COL5A1: variants seen among roughly 807,000 people sequenced by gnomAD.
The protein encoded by COL5A1 is collagen alpha-1(V) chain.
Under a neutral mutation model 263.7 loss-of-function variants are expected in COL5A1, and 16 were observed. The ratio of observed to expected loss-of-function variants is 0.06; its 90% CI spans 0.04 to 0.09. The LOEUF (loss-of-function observed/expected upper bound fraction) is 0.09, where lower values mean the gene tolerates loss of function less well. COL5A1 is among the 10% of genes least tolerant of loss of function. The probability of loss-of-function intolerance (pLI) is 1.00; values close to 1 mark genes in which losing one functional copy is unlikely to be tolerated. For synonymous variants in COL5A1, 1,012 were observed against 1,004.5 expected (o/e 1.01, Z -0.14); for missense variants, 2,036 against 2,540.5 (o/e 0.80, Z 4.27).
At chr9:134,834,688 A>G (rs1470683716) in intron 64 of COL5A1, among the ~76,000 whole-genome samples, 1 of 152,080 alleles carries the variant, frequency 6.6e-6, no homozygotes, top group African/African-American at 2.4e-5. Flanking sequence ...TTCCTGGAGG[A>G]GGCAGCACAG....
rs770392149 is a variant in COL5A1, at chr9:134,811,578, C to T, written c.3669C>T (p.Pro1223=). The change falls in exon 46 of 66, where the codon CCC becomes CCT. Residue 1223 remains proline (P), a synonymous_variant. Transcript: ENST00000371817. ...AAGGTCCCAGAGGCTTTCCTGGACC[C>T]CCTGGGCCAGTGGGGCTGCAGGTAA... The part of the protein sequence containing the change: ...GDEGPRGFPG[P]PGPVGLQGLP... 18 of 1,561,162 alleles carry T rather than the reference C, an allele frequency of 1.2e-5. No homozygotes were observed. The highest frequency in any genetic ancestry group is 1.5e-5 in the Non-Finnish European group (17 of 1,152,222).
At chr9:134,736,676 C>T (rs561639221) in intron 9 of COL5A1, among the ~76,000 whole-genome samples, 5 of 152,332 alleles carry the variant, frequency 3.3e-5, no homozygotes, top group Non-Finnish European at 5.9e-5. Context: ...CTCAAAAGTT[C>T]GAAGTCCAGA....
rs546249714 is a variant in COL5A1, at chr9:134,839,545, C to T, written c.5371-2612C>T. On this transcript the variant is annotated intron_variant, in intron 65 of 65. Coordinates refer to ENST00000371817, the MANE Select transcript of COL5A1 (RefSeq NM_000093.5). ...CCTCCCAGGGGTGGATGAGAAAGGC[C>T]GGGCAGCGCCCTGCTGGCTTGCTGA... Among the ~76,000 whole-genome samples the T allele has an allele frequency of 6.6e-5, 10 of 152,294 alleles. No homozygotes were observed. The East Asian group carries it at 1.3e-3, about 21-fold the overall frequency.
rs1835329217 is a variant in COL5A1 at position 134,742,181 on chromosome 9, C to T, written c.1494+3373C>T. Among the ~76,000 whole-genome samples, 1 of 152,220 alleles carries T rather than the reference C, an allele frequency of 6.6e-6. No individual in the cohort carries two copies. The highest frequency in any genetic ancestry group is 2.4e-5 in the African/African-American group (1 of 41,450). ...TCTCCCGCTGCTCCCCTTGGATGAC[C>T]TTCCATGCTGCATCTGCCTTCTAGC... On this transcript the variant is annotated intron_variant, in intron 11 of 65. Coordinates refer to ENST00000371817, the MANE Select transcript of COL5A1 (RefSeq NM_000093.5). This position sits in a 1 kb window ranked among gnomAD's most constrained non-coding sequence, Gnocchi z 4.6.
chr9:134,824,904 T>TGCAGGACACATGGAGTGTG, intron 62 of COL5A1, 49 bp downstream of exon 62: 1 of 1,571,758 alleles, frequency 6.4e-7, no homozygotes, highest in Non-Finnish European at 8.6e-7. Context: ...GGCATGGACC[T>TGCAGGACACATGGAGTGTG]GCAGGACACA....
chr9:134,830,501 C>T (rs1000573811), intron 64 of COL5A1: 64 of 472,108 alleles, frequency 1.4e-4, no homozygotes, highest in Admixed American at 1.2e-3. Flanking sequence ...TGAGGTCAGA[C>T]GCTCCAGAAG....
intron 1 of COL5A1, chr9:134,653,114 C>T (rs533638203): frequency 2.9e-5 from 5 of 171,028 alleles, no homozygotes; most frequent in African/African-American, 7.1e-5. Context: ...AGGAACCTCC[C>T]GCTTTCTTTA....
chr9:134,824,847 T>C lies in COL5A1; in HGVS notation c.4946T>C (p.Phe1649Ser). The C allele has an allele frequency of 6.2e-7, 1 of 1,612,200 alleles. No homozygotes were observed. The highest frequency in any genetic ancestry group is 1.1e-5 in the South Asian group (1 of 90,972). The change falls in exon 62 of 66, where the codon TTC becomes TCC. Residue 1649 changes from phenylalanine to serine, a missense_variant. Coordinates refer to ENST00000371817, the MANE Select transcript of COL5A1 (RefSeq NM_000093.5). ...CKDLQLCHPD[F>S]PDGEYWVDPN... ...GACCTGCAGCTCTGCCACCCCGACTTCCCAGATGGTGAGGGCCTGGGGGGG... is the reference window on the plus strand; with the variant it reads ...GACCTGCAGCTCTGCCACCCCGACTCCCCAGATGGTGAGGGCCTGGGGGGG...
rs145093766 is a variant in COL5A1 at position 134,730,255 on chromosome 9, C to T, written c.944C>T (p.Thr315Met). The T allele has an allele frequency of 9.0e-5, 146 of 1,613,988 alleles. No individual in the cohort carries two copies. The highest frequency in any genetic ancestry group is 4.4e-4 in the African/African-American group (33 of 75,066). The change falls in exon 7 of 66, where the codon ACG (threonine) becomes ATG (methionine). Residue 315 changes from threonine to methionine, a missense_variant. Coordinates refer to ENST00000371817, the MANE Select transcript of COL5A1 (RefSeq NM_000093.5). ...TCCCAGGAGCTGACCCCGACCCCCACGGAAGCTGCTCCCATGCCTGAAACC... is the reference window on the plus strand; with the variant it reads ...TCCCAGGAGCTGACCCCGACCCCCATGGAAGCTGCTCCCATGCCTGAAACC... ...EVPEELTPTPTEAAPMPETSE... is the reference protein window; with the variant it reads ...EVPEELTPTPMEAAPMPETSE...
intron 28 of COL5A1, among the ~76,000 whole-genome samples, chr9:134,781,706 C>A (rs1162950489): frequency 6.6e-6 from 1 of 152,210 alleles, no homozygotes; most frequent in Non-Finnish European, 1.5e-5. Context: ...TGCCAAGGGA[C>A]CGTCTTTGTG....
At position 134,842,037 on chromosome 9, in the gene COL5A1, G is replaced by C; in HGVS notation, c.5371-120G>C. ...CACTTGCCCGGGCAAGCGCAGCCCTGGGTAGGAGACAGGACACCAGCCTGG... is the reference window on the plus strand; with the variant it reads ...CACTTGCCCGGGCAAGCGCAGCCCTCGGTAGGAGACAGGACACCAGCCTGG... On this transcript the variant is annotated intron_variant, in intron 65 of 65. Transcript: ENST00000371817. The surrounding 1 kb of genome is among the most constrained non-coding windows in gnomAD (Gnocchi z 5.8). The C allele has an allele frequency of 1.7e-6, 2 of 1,155,880 alleles. No individual in the cohort carries two copies. Among genetic ancestry groups the C allele is most frequent in the South Asian group, 2.5e-5 (2 of 78,586 alleles). The allele number at this position is 1,155,880 out of a possible 1,614,324, so 71.6% of individuals were successfully genotyped here.
At chr9:134,708,914 T>C (rs1458158813) in intron 4 of COL5A1, 1 of 456,678 alleles carries the variant, frequency 2.2e-6, no homozygotes, top group African/African-American at 2.0e-5. Context: ...AGACACTCCT[T>C]GGCTTGTGGC....
chr9:134,655,020 T>G (rs1384053001), intron 1 of COL5A1, among the ~76,000 whole-genome samples: 13 of 25,244 alleles, frequency 5.1e-4, no homozygotes, highest in South Asian at 1.5e-3. Context: ...GTAGAGCTGG[T>G]GTGTGTAGGG....
chr9:134,708,266 T>C (rs988011590), intron 4 of COL5A1, among the ~76,000 whole-genome samples: 5 of 152,100 alleles, frequency 3.3e-5, no homozygotes, highest in Non-Finnish European at 7.4e-5. Context: ...GTCGTCTCTG[T>C]GCCTCCATCA....
chr9:134,809,981 T>C (rs983725869), intron 43 of COL5A1, among the ~76,000 whole-genome samples: 2 of 152,206 alleles, frequency 1.3e-5, no homozygotes, highest in African/African-American at 4.8e-5. Context: ...TGGCCCAATT[T>C]GAAAAACAGA....
At chr9:134,797,087 G>A (rs1001799940) in intron 36 of COL5A1, among the ~76,000 whole-genome samples, 186 bp downstream of exon 36, 9 of 152,254 alleles carry the variant, frequency 5.9e-5, no homozygotes, top group Non-Finnish European at 1.0e-4. Context: ...CACCGCCAAG[G>A]CGGCTGTGGG....
chr9:134,703,811 T>C (rs975719361), intron 4 of COL5A1, among the ~76,000 whole-genome samples: 8 of 151,866 alleles, frequency 5.3e-5, no homozygotes, highest in African/African-American at 1.9e-4. Flanking sequence ...CTAATTTTTT[T>C]TGTATTTTTA....
In COL5A1 at chr9:134,841,956, TCTTGGGACATC is replaced by T. The variant is rs1830116754; in HGVS notation, c.5371-199_5371-189del. On this transcript the variant is annotated intron_variant, in intron 65 of 65. Coordinates refer to ENST00000371817, the MANE Select transcript of COL5A1 (RefSeq NM_000093.5). The surrounding 1 kb of genome is among the most constrained non-coding windows in gnomAD (Gnocchi z 4.8). ...CCACCTCCGACCTGTGCAGGGGGAC[TCTTGGGACATC>T]CACCGGGGTTAAATGCATGCTCTGA... Among the ~76,000 whole-genome samples the T allele has an allele frequency of 6.6e-6, 1 of 152,100 alleles. No homozygotes were observed. The highest frequency in any genetic ancestry group is 1.5e-5 in the Non-Finnish European group (1 of 68,014).
chr9:134,703,640 T>G (rs1228904166), intron 4 of COL5A1, among the ~76,000 whole-genome samples: 1 of 136,108 alleles, frequency 7.3e-6, no homozygotes. Flanking sequence ...TTTTTTTTTT[T>G]TTTTTTTTTT....
Sources: gnomAD v4.1 joint callset for allele counts (sites outside exome capture counted in the v4.1 genomes callset) on GRCh38, gnomAD v4.1.1 for gene constraint, Gnocchi (gnomAD v3.1) non-coding constraint, MANE v1.5 for transcripts, NCBI Gene and HGNC (gene_info 2026-07-23, HGNC 2026-07-21) for gene names.